Variants in EPHA6 observed in about 807,000 individuals in gnomAD.
EPHA6 encodes ephrin type-A receptor 6.
A neutral mutation model predicts 112.0 loss-of-function variants in EPHA6; 50 were observed. The ratio of observed to expected loss-of-function variants is 0.45; its 90% CI spans 0.36 to 0.56. EPHA6 has a LOEUF of 0.56. EPHA6 is among the 20% of genes least tolerant of loss of function. The probability of loss-of-function intolerance (pLI) is 0.00; values close to 1 mark genes in which losing one functional copy is unlikely to be tolerated. For synonymous variants in EPHA6, 529 were observed against 490.7 expected (o/e 1.08, Z -1.03); for missense variants, 1,280 against 1,417.4 (o/e 0.90, Z 1.56).
At chr3:97,615,964 A>G (rs2093762457) in intron 13 of EPHA6, among the ~76,000 whole-genome samples, 1 of 152,146 alleles carries the variant, frequency 6.6e-6, no homozygotes, top group Non-Finnish European at 1.5e-5. Context: ...CAGCTACTCT[A>G]CAAAAAAGTG....
chr3:97,621,816 A>C (rs1050585974), intron 13 of EPHA6, among the ~76,000 whole-genome samples: 8 of 151,910 alleles, frequency 5.3e-5, no homozygotes, highest in African/African-American at 1.9e-4. Context: ...AGGATTTAGC[A>C]AATAAGAGGG....
intron 10 of EPHA6, among the ~76,000 whole-genome samples, chr3:97,520,561 T>A (rs2092525187): frequency 6.6e-6 from 1 of 152,250 alleles, no homozygotes; most frequent in African/African-American, 2.4e-5. Context: ...GTAAGGCTTC[T>A]GCTGGAAATC....
At chr3:97,596,323 A>G (rs951340277) in intron 12 of EPHA6, among the ~76,000 whole-genome samples, 4 of 152,226 alleles carry the variant, frequency 2.6e-5, no homozygotes, top group Admixed American at 2.0e-4. Context: ...TTTATATGCC[A>G]TAGAGTATTG....
At chr3:97,679,916 C>G (rs918088023) in intron 14 of EPHA6, among the ~76,000 whole-genome samples, 1 of 152,148 alleles carries the variant, frequency 6.6e-6, no homozygotes, top group African/African-American at 2.4e-5. Context: ...ACCAGGCAAC[C>G]TTTTGCTTGC....
At chr3:97,290,423 G>A (rs1425163756) in intron 5 of EPHA6, among the ~76,000 whole-genome samples, 1 of 152,252 alleles carries the variant, frequency 6.6e-6, no homozygotes, top group South Asian at 2.1e-4. Flanking sequence ...TGGCTGATGG[G>A]TGGAGTTTTC....
At chr3:97,112,553 G>A (rs1180117024) in intron 3 of EPHA6, among the ~76,000 whole-genome samples, 1 of 151,920 alleles carries the variant, frequency 6.6e-6, no homozygotes, top group African/African-American at 2.4e-5. Flanking sequence ...AGTTTCTGTT[G>A]TATCATAAGC....
intron 3 of EPHA6, among the ~76,000 whole-genome samples, chr3:97,131,258 A>G (rs1409887332): frequency 6.6e-6 from 1 of 152,136 alleles, no homozygotes; most frequent in African/African-American, 2.4e-5. Context: ...TATAAATGGT[A>G]GTAATATATG....
At chr3:96,863,509 A>AT (rs1172696765) in intron 1 of EPHA6, among the ~76,000 whole-genome samples, 1 of 152,004 alleles carries the variant, frequency 6.6e-6, no homozygotes, top group Non-Finnish European at 1.5e-5. Context: ...TTGGAATCTT[A>AT]TTTTTTTAAA....
At chr3:97,248,460 T>C (rs1246607356) in intron 5 of EPHA6, among the ~76,000 whole-genome samples, 1 of 152,116 alleles carries the variant, frequency 6.6e-6, no homozygotes, top group Non-Finnish European at 1.5e-5. Context: ...ACGTTAATCA[T>C]GGATAGTCGA....
chr3:97,023,622 A>G (rs2044537657), intron 3 of EPHA6, among the ~76,000 whole-genome samples: 1 of 151,996 alleles, frequency 6.6e-6, no homozygotes, highest in African/African-American at 2.4e-5. Flanking sequence ...TAGGTTTTCA[A>G]CTTTATAGTA....
rs187170623 is a variant in EPHA6 at position 97,134,226 on chromosome 3, A to G, written c.1115-92038A>G. ...ATGAAAATAGCAACTCTTTCAATAT[A>G]CTATTTCTGAAGCTATATATTTAGA... On this transcript the variant is annotated intron_variant, in intron 3 of 17. Coordinates refer to ENST00000389672, the MANE Select transcript of EPHA6 (RefSeq NM_001080448.3). 1.9e-3 allele frequency among the ~76,000 whole-genome samples: 288 copies of G among 152,234 alleles called. 3 individuals carry two copies. The highest frequency in any genetic ancestry group is 6.3e-3 in the African/African-American group (262 of 41,574).
chr3:97,170,524 G>T (rs9852576), intron 3 of EPHA6, among the ~76,000 whole-genome samples: 19,239 of 152,010 alleles, frequency 0.13, 1,339 homozygotes, highest in Non-Finnish European at 0.16. Context: ...ACCACCTGAG[G>T]TCAGGAGCTC....
At chr3:97,464,755 T>G (rs2091002660) in intron 7 of EPHA6, among the ~76,000 whole-genome samples, 1 of 152,092 alleles carries the variant, frequency 6.6e-6, no homozygotes. Context: ...TATATTGAAC[T>G]GCGTAGCTCT....
At chr3:97,038,851 C>T (rs185387024) in intron 3 of EPHA6, among the ~76,000 whole-genome samples, 7 of 152,138 alleles carry the variant, frequency 4.6e-5, no homozygotes, top group Admixed American at 3.9e-4. Flanking sequence ...AAGGGCATCG[C>T]AGATATGGAA....
chr3:96,957,171 G>C (rs141481146), intron 2 of EPHA6, among the ~76,000 whole-genome samples: 4 of 152,132 alleles, frequency 2.6e-5, no homozygotes, highest in African/African-American at 7.2e-5. Flanking sequence ...TAAAATAAGT[G>C]TTTACAAGGA....
chr3:97,469,512 A>G (rs746031255), intron 7 of EPHA6, among the ~76,000 whole-genome samples: 1 of 151,726 alleles, frequency 6.6e-6, no homozygotes, highest in Non-Finnish European at 1.5e-5. Context: ...CATAATTGAG[A>G]CTGCTGTCTA....
intron 6 of EPHA6, among the ~76,000 whole-genome samples, chr3:97,444,512 GAAC>G (rs1315541704): frequency 6.6e-6 from 1 of 152,156 alleles, no homozygotes. Flanking sequence ...AAGTGTTCTA[GAAC>G]CTTATACATA....
chr3:97,506,726 T>A (rs1577607945), intron 10 of EPHA6, among the ~76,000 whole-genome samples: 1 of 152,212 alleles, frequency 6.6e-6, no homozygotes, highest in South Asian at 2.1e-4. Context: ...GGTAGATTGA[T>A]GGGGATAACA....
chr3:97,388,435 G>A (rs947255452), intron 5 of EPHA6, among the ~76,000 whole-genome samples: 5 of 152,094 alleles, frequency 3.3e-5, no homozygotes, highest in Admixed American at 6.6e-5. Context: ...AATGGGACTC[G>A]AGGAGGGAGT....
Sources: allele counts gnomAD v4.1 joint callset (sites outside exome capture counted in the v4.1 genomes callset), GRCh38; gene constraint gnomAD v4.1.1; transcripts MANE v1.5; gene names NCBI Gene and HGNC (gene_info 2026-07-23, HGNC 2026-07-21).